The following EMP1 variants were observed in gnomAD, a reference collection of about 807,000 sequenced individuals.
EMP1 encodes tumor-associated membrane protein.
A neutral mutation model predicts 15.7 loss-of-function variants in EMP1; 5 were observed. That is an observed-to-expected ratio of 0.32 (90% CI 0.17 to 0.67). EMP1 has a LOEUF of 0.67. EMP1 is among the 30% of genes least tolerant of loss of function. EMP1 has a pLI of 0.74. For missense variants in EMP1, 166 were observed against 194.2 expected, an observed-to-expected ratio of 0.85 and a Z score of 0.86; for synonymous variants, 78 against 76.7, an observed-to-expected ratio of 1.02 and a Z score of -0.09.
Position 13,213,844 on chromosome 12 carries a change from C to A in EMP1, c.316+23C>A, listed in dbSNP as rs1245682266. On this transcript the variant is annotated intron_variant, in intron 4 of 4. Coordinates refer to ENST00000256951, the MANE Select transcript of EMP1 (RefSeq NM_001423.3). ...GCTGTGAGTATCTCATGGGTAGACT[C>A]CAGTTTACACTTTTAAGTCCATCTT... 8.7e-6 allele frequency: 14 copies of A among 1,612,298 alleles called. No homozygotes were observed. The African/African-American group carries it at 1.3e-4, about 15-fold the overall frequency.
intron 4 of EMP1, 22 bp from the exon 5 acceptor site, chr12:13,214,512 C>G (rs1461421502): frequency 5.0e-6 from 8 of 1,606,864 alleles, no homozygotes; most frequent in African/African-American, 1.3e-5. Flanking sequence ...AACACACCGA[C>G]AAATCTCCTT....
intron 1 of EMP1, among the ~76,000 whole-genome samples, chr12:13,201,739 T>A (rs1591705663): frequency 2.0e-5 from 3 of 152,138 alleles, no homozygotes; most frequent in African/African-American, 7.2e-5. Flanking sequence ...GAAAGAGGTT[T>A]GAGTAATTAA....
chr12:13,208,348 C>T (rs1240454530), intron 1 of EMP1, among the ~76,000 whole-genome samples: 4 of 152,110 alleles, frequency 2.6e-5, no homozygotes, highest in Admixed American at 6.5e-5. Context: ...CATTAGTTAC[C>T]ACTAATGGCT....
intron 2 of EMP1, among the ~76,000 whole-genome samples, chr12:13,212,576 A>G (rs908934701): frequency 1.3e-5 from 2 of 152,248 alleles, no homozygotes; most frequent in African/African-American, 4.8e-5. Flanking sequence ...TCCTATATCT[A>G]TCCAGATAAA....
In EMP1 at chr12:13,213,826, G is replaced by A. The variant is rs1864189164; in HGVS notation, c.316+5G>A. 2 of 1,613,658 alleles carry A rather than the reference G, an allele frequency of 1.2e-6. No homozygotes were observed. Among genetic ancestry groups the A allele is most frequent in the East Asian group, 2.2e-5 (1 of 44,892 alleles). ...GGGCCACCACACTGGTGTGCTGTGAGTATCTCATGGGTAGACTCCAGTTTA... is the reference window on the plus strand; with the variant it reads ...GGGCCACCACACTGGTGTGCTGTGAATATCTCATGGGTAGACTCCAGTTTA... On this transcript the variant is annotated splice_donor_5th_base_variant and intron_variant, in intron 4 of 4. Coordinates refer to ENST00000256951, the MANE Select transcript of EMP1 (RefSeq NM_001423.3).
intron 1 of EMP1, among the ~76,000 whole-genome samples, chr12:13,200,019 T>C (rs1367764492): frequency 1.3e-5 from 2 of 151,526 alleles, no homozygotes; most frequent in African/African-American, 2.4e-5. Context: ...TTTTTGAAGT[T>C]TGGAATTATG....
At chr12:13,203,664 C>G (rs796556600) in intron 1 of EMP1, among the ~76,000 whole-genome samples, 32 of 152,390 alleles carry the variant, frequency 2.1e-4, no homozygotes, top group African/African-American at 7.5e-4. Context: ...CACTCTGTGC[C>G]TGGCACAGGC....
chr12:13,213,638 G>A (rs1864186130), intron 3 of EMP1, 43 bp from the exon 4 acceptor site: 2 of 1,613,922 alleles, frequency 1.2e-6, no homozygotes, highest in African/African-American at 1.3e-5. Context: ...TTCAGCCCCT[G>A]GAGTGACCTC....
intron 1 of EMP1, among the ~76,000 whole-genome samples, chr12:13,203,311 G>A (rs1864082845): frequency 6.6e-6 from 1 of 152,208 alleles, no homozygotes; most frequent in Admixed American, 6.5e-5. Flanking sequence ...GGCAACTCAC[G>A]CTTCCGTCCT....
At chr12:13,212,621 C>T (rs1315803731) in intron 2 of EMP1, among the ~76,000 whole-genome samples, 2 of 152,208 alleles carry the variant, frequency 1.3e-5, no homozygotes, top group Non-Finnish European at 2.9e-5. Flanking sequence ...TTAATGAGCG[C>T]CAAAGCGCTG....
Position 13,214,168 on chromosome 12 carries a change from T to C in EMP1, c.316+347T>C, listed in dbSNP as rs1864192466. Reference sequence around the variant, plus strand: ...CATCATTATTGTGATTCTCACTTAATTGTTGTTCTTTCCCAATATACTCGG... The same window carrying C: ...CATCATTATTGTGATTCTCACTTAACTGTTGTTCTTTCCCAATATACTCGG... On this transcript the variant is annotated intron_variant, in intron 4 of 4. Coordinates refer to ENST00000256951, the MANE Select transcript of EMP1 (RefSeq NM_001423.3). The C allele has an allele frequency of 6.0e-5, 36 of 602,198 alleles. No homozygotes were observed. The South Asian group carries it at 7.1e-4, about 12-fold the overall frequency. The allele number at this position is 602,198 out of a possible 1,614,324, so 37.3% of individuals were successfully genotyped here.
chr12:13,214,649 C>A lies in EMP1; in HGVS notation c.432C>A (p.Ser144Arg). 6.2e-7 allele frequency: 1 copy of A among 1,613,766 alleles called. No individual in the cohort carries two copies. Among genetic ancestry groups the A allele is most frequent in the Non-Finnish European group, 8.5e-7 (1 of 1,179,966 alleles). ...YILGWICFCFSFIIGVLYLVL... is the reference protein window; with the variant it reads ...YILGWICFCFRFIIGVLYLVL... ...TGGGCTGGATCTGCTTCTGCTTCAG[C>A]TTCATCATCGGCGTTCTCTATCTGG... Residue 144 changes from serine (S) to arginine (R), a missense_variant, in exon 5 of 5, where the codon AGC (serine) becomes AGA (arginine). Ser to Arg is a moderately radical substitution (Grantham distance 110). Coordinates refer to ENST00000256951, the MANE Select transcript of EMP1 (RefSeq NM_001423.3).
chr12:13,213,976 T>C, intron 4 of EMP1, 155 bp downstream of exon 4: 2 of 1,151,344 alleles, frequency 1.7e-6, no homozygotes, highest in Non-Finnish European at 2.5e-6. Context: ...GAACCTTGGA[T>C]TGCTGCTTAG....
chr12:13,198,946 T>TCC (rs201967453), intron 1 of EMP1, among the ~76,000 whole-genome samples: 2 of 135,370 alleles, frequency 1.5e-5, no homozygotes, highest in Non-Finnish European at 3.2e-5. Flanking sequence ...GGGTTATTTT[T>TCC]CCCCCCCACT....
chr12:13,218,577 G>T lies in EMP1; in HGVS notation c.*3886G>T, dbSNP rs10505772. Reference sequence around the variant, plus strand: ...AGATGTATCATTTGGAGGTAGACACGATTTTCAGAGCACAAAACAGATAAG... The same window carrying T: ...AGATGTATCATTTGGAGGTAGACACTATTTTCAGAGCACAAAACAGATAAG... On this transcript the variant is annotated 3_prime_UTR_variant, in exon 5 of 5. Transcript: ENST00000256951. The T allele has an allele frequency of 0.14, 21,691 of 152,104 alleles. 1,846 individuals carry two copies. The highest frequency in any genetic ancestry group is 0.2 in the South Asian group (958 of 4,810). 9.4% of individuals were successfully genotyped at this position (152,104 alleles called of 1,614,324 possible). A position where few individuals can be genotyped will look rare whatever the true frequency, so the allele number is the denominator to read the frequency against.
chr12:13,202,928 C>T (rs985987675), intron 1 of EMP1, among the ~76,000 whole-genome samples: 1 of 152,122 alleles, frequency 6.6e-6, no homozygotes, highest in South Asian at 2.1e-4. Context: ...CTGGAAGGTG[C>T]GAAATGGCTT....
Position 13,212,856 on chromosome 12 carries a change from G to A in EMP1, c.79-623G>A, listed in dbSNP as rs115365923. 4.1e-3 allele frequency among the ~76,000 whole-genome samples: 621 copies of A among 152,308 alleles called. 8 individuals are homozygous for A. The highest frequency in any genetic ancestry group is 0.013 in the African/African-American group (524 of 41,546). On this transcript the variant is annotated intron_variant, in intron 2 of 4. Coordinates refer to ENST00000256951, the MANE Select transcript of EMP1 (RefSeq NM_001423.3). Reference sequence around the variant, plus strand: ...ATGGCGGCACCATGATCAGTCTGGGGGAATCCATTCAGGTCACCCTTCAGC... The same window carrying A: ...ATGGCGGCACCATGATCAGTCTGGGAGAATCCATTCAGGTCACCCTTCAGC...
rs1362195548 is a variant in EMP1 at position 13,216,614 on chromosome 12, T to C, written c.*1923T>C. On this transcript the variant is annotated 3_prime_UTR_variant, in exon 5 of 5. Coordinates refer to ENST00000256951, the MANE Select transcript of EMP1 (RefSeq NM_001423.3). ...TCCCTTATCTTTTACTTTTTTTCTG[T>C]GACATTTATGTCTCATGTAATTTGC... The C allele has an allele frequency of 1.6e-6, 1 of 610,638 alleles. No homozygotes were observed. Among genetic ancestry groups the C allele is most frequent in the Admixed American group, 2.9e-5 (1 of 34,224 alleles). 37.8% of individuals were successfully genotyped at this position (610,638 alleles called of 1,614,324 possible). A position where few individuals can be genotyped will look rare whatever the true frequency, so the allele number is the denominator to read the frequency against.
intron 1 of EMP1, among the ~76,000 whole-genome samples, chr12:13,197,230 G>A (rs1233496091): frequency 1.3e-5 from 2 of 152,170 alleles, no homozygotes; most frequent in Non-Finnish European, 2.9e-5. Context: ...ACACACCTTG[G>A]AAATGACATC....
Sources: gnomAD v4.1 joint callset for allele counts (sites outside exome capture counted in the v4.1 genomes callset) on GRCh38, gnomAD v4.1.1 for gene constraint, MANE v1.5 for transcripts, NCBI Gene and HGNC (gene_info 2026-07-23, HGNC 2026-07-21) for gene names.